Variants in CAPN7 observed in about 807,000 individuals in gnomAD.
CAPN7 encodes the protein calpain-7.
In CAPN7, 72 loss-of-function variants were observed where a neutral mutation model predicts 115.2. The observed-to-expected ratio is 0.63, with a 90% CI of 0.52 to 0.76. The LOEUF is 0.76. Among genes scored for constraint, CAPN7 ranks in the 30% least tolerant of loss-of-function variants. The probability of loss-of-function intolerance (pLI) is 0.00; values close to 1 mark genes in which losing one functional copy is unlikely to be tolerated. For missense variants in CAPN7, 905 were observed against 971.5 expected (o/e 0.93, Z 0.91); for synonymous variants, 344 against 322.3 (o/e 1.07, Z -0.72).
At chr3:15,249,593 T>C (rs1009979606) in intron 19 of CAPN7, among the ~76,000 whole-genome samples, 5 of 151,544 alleles carry the variant, frequency 3.3e-5, no homozygotes, top group African/African-American at 1.2e-4. Context: ...TGAAATACAA[T>C]TTAAGAGTTT....
chr3:15,229,242 A>T (rs987903630), intron 8 of CAPN7, among the ~76,000 whole-genome samples, 183 bp downstream of exon 8: 5 of 152,246 alleles, frequency 3.3e-5, no homozygotes, highest in African/African-American at 1.2e-4. Context: ...TTAAGAACCT[A>T]TACACGTAGT....
intron 17 of CAPN7, chr3:15,245,887 C>T: frequency 2.2e-6 from 1 of 459,818 alleles, no homozygotes; most frequent in Non-Finnish European, 3.8e-6. Context: ...TTTTTATTTT[C>T]ATAGTAATAG....
intron 12 of CAPN7, among the ~76,000 whole-genome samples, chr3:15,237,231 G>A (rs1695043875): frequency 6.7e-6 from 1 of 148,196 alleles, no homozygotes; most frequent in Non-Finnish European, 1.5e-5. Flanking sequence ...CTTTACCTGA[G>A]CTTTTTTCTG....
In CAPN7 at chr3:15,235,046, C is replaced by G; in HGVS notation, c.1308C>G (p.Leu436=). Residue 436 remains leucine, a synonymous_variant, in exon 12 of 21, where the codon CTC becomes CTG. Coordinates refer to ENST00000253693, the MANE Select transcript of CAPN7 (RefSeq NM_014296.3). Reference sequence around the variant, plus strand: ...CCAGATTTCACAAAGGAGATGTCCTCATCACTGCGTCAACTGGAATGATGA... The same window carrying G: ...CCAGATTTCACAAAGGAGATGTCCTGATCACTGCGTCAACTGGAATGATGA... ...LYQRFHKGDV[L]ITASTGMMTE... 4.3e-6 allele frequency: 7 copies of G among 1,613,078 alleles called. No individual in the cohort carries two copies. The highest frequency in any genetic ancestry group is 5.9e-6 in the Non-Finnish European group (7 of 1,179,468).
chr3:15,249,836 C>T (rs965827685), intron 19 of CAPN7, among the ~76,000 whole-genome samples: 2 of 148,880 alleles, frequency 1.3e-5, no homozygotes, highest in African/African-American at 5.0e-5. Flanking sequence ...GTGATCTCGG[C>T]TCACTGCAAC....
At chr3:15,222,064 A>G (rs1338704668) in intron 5 of CAPN7, among the ~76,000 whole-genome samples, 6 of 143,346 alleles carry the variant, frequency 4.2e-5, no homozygotes, top group Admixed American at 6.8e-5. Flanking sequence ...AAGGTTTTAC[A>G]TGCATCAAAA....
intron 18 of CAPN7, 35 bp downstream of exon 18, chr3:15,246,829 CT>C: frequency 6.9e-7 from 1 of 1,444,994 alleles, no homozygotes; most frequent in Non-Finnish European, 9.6e-7. Context: ...TCTCAGCATT[CT>C]TTTAGAATTT....
chr3:15,222,070 CAAAAA>C (rs58470950), intron 5 of CAPN7, among the ~76,000 whole-genome samples: 1 of 135,556 alleles, frequency 7.4e-6, no homozygotes, highest in Non-Finnish European at 1.6e-5. Context: ...TTACATGCAT[CAAAAA>C]AAAAAAAAAA....
Position 15,220,845 on chromosome 3 carries a change from C to A in CAPN7, c.502C>A (p.Pro168Thr), listed in dbSNP as rs1476875722. The A allele has an allele frequency of 6.2e-7, 1 of 1,614,156 alleles. No homozygotes were observed. The change falls in exon 5 of 21, where the codon CCA (proline) becomes ACA (threonine). Residue 168 changes from proline to threonine, a missense_variant. Physicochemically the swap from Pro to Thr is conservative, Grantham distance 38. Transcript: ENST00000253693. ...CAAAATCAGTTCAACAAGTGTTAAG[C>A]CAAAGCCACCTCCAGTGAGAGCACA... ...VGKISSTSVK[P>T]KPPPVRAHFP...
At chr3:15,227,185 G>A (rs1399701532) in intron 6 of CAPN7, among the ~76,000 whole-genome samples, 1 of 151,940 alleles carries the variant, frequency 6.6e-6, no homozygotes, top group African/African-American at 2.4e-5. Context: ...CAATTTTAGA[G>A]AAACATTGTT....
chr3:15,222,000 A>ATATACGTATATAGTATACG (rs917000627), intron 5 of CAPN7, among the ~76,000 whole-genome samples: 1 of 151,664 alleles, frequency 6.6e-6, no homozygotes, highest in Non-Finnish European at 1.5e-5. Flanking sequence ...ATACGTATAC[A>ATATACGTATATAGTATACG]TATACGTATA....
chr3:15,210,592 CTTCCT>C (rs2044877102), intron 1 of CAPN7, among the ~76,000 whole-genome samples: 2 of 101,950 alleles, frequency 2.0e-5, no homozygotes, highest in East Asian at 2.2e-4. Context: ...TCCTTGCTTC[CTTCCT>C]TTTTTTTTTT....
At chr3:15,214,666 C>T (rs1240834215) in intron 2 of CAPN7, among the ~76,000 whole-genome samples, 3 of 152,112 alleles carry the variant, frequency 2.0e-5, no homozygotes, top group Admixed American at 6.5e-5. Context: ...TGCACTGACC[C>T]GTGATTACAC....
intron 12 of CAPN7, among the ~76,000 whole-genome samples, chr3:15,239,712 C>T (rs555862153): frequency 6.6e-6 from 1 of 152,278 alleles, no homozygotes; most frequent in African/African-American, 2.4e-5. Flanking sequence ...CAGCCATCTT[C>T]TAGGGACACA....
chr3:15,220,057 C>T (rs554758696), intron 4 of CAPN7, among the ~76,000 whole-genome samples: 117 of 152,186 alleles, frequency 7.7e-4, no homozygotes, highest in African/African-American at 2.6e-3. Flanking sequence ...AAAAATTAGC[C>T]AGGCGTGGTG....
intron 2 of CAPN7, 121 bp from the exon 3 acceptor site, chr3:15,217,304 C>A: frequency 3.6e-6 from 3 of 843,310 alleles, no homozygotes; most frequent in East Asian, 3.1e-5. Context: ...TTTAACCTTG[C>A]TAAGTTTTTT....
intron 12 of CAPN7, among the ~76,000 whole-genome samples, chr3:15,239,837 CTCTTT>C (rs1171780186): frequency 2.6e-5 from 4 of 152,194 alleles, no homozygotes; most frequent in Non-Finnish European, 5.9e-5. Context: ...ATGTTCCTTT[CTCTTT>C]TCTTCACTAT....
At chr3:15,219,134 G>A (rs899134529) in intron 4 of CAPN7, among the ~76,000 whole-genome samples, 1 of 152,210 alleles carries the variant, frequency 6.6e-6, no homozygotes, top group East Asian at 1.9e-4. Flanking sequence ...TCCCCCAGAT[G>A]TAAGCTCTGA....
chr3:15,237,944 A>G (rs1695090251), intron 12 of CAPN7, among the ~76,000 whole-genome samples: 1 of 152,000 alleles, frequency 6.6e-6, no homozygotes, highest in African/African-American at 2.4e-5. Context: ...ACTCCAGCCT[A>G]GTTGACACAG....
Sources: allele counts gnomAD v4.1 joint callset (sites outside exome capture counted in the v4.1 genomes callset), GRCh38; gene constraint gnomAD v4.1.1; transcripts MANE v1.5; gene names NCBI Gene and HGNC (gene_info 2026-07-23, HGNC 2026-07-21).